Variants in MYT1L observed in about 807,000 individuals in gnomAD.
The protein encoded by MYT1L is myelin transcription factor 1-like protein.
A neutral mutation model predicts 126.7 loss-of-function variants in MYT1L; 12 were observed. That is an observed-to-expected ratio of 0.09 (90% confidence interval 0.06 to 0.15). The LOEUF (loss-of-function observed/expected upper bound fraction) is 0.15. Ranked by LOEUF, MYT1L falls within the 10% of genes least tolerant of loss-of-function variation. The pLI is 1.00. For missense variants in MYT1L, 979 were observed against 1,585.2 expected, an observed-to-expected ratio of 0.62 and a Z score of 6.49; for synonymous variants, 541 against 604.2, an observed-to-expected ratio of 0.90 and a Z score of 1.53.
chr2:2,181,640 C>A (rs569580642), intron 2 of MYT1L, among the ~76,000 whole-genome samples: 58 of 152,256 alleles, frequency 3.8e-4, no homozygotes, highest in African/African-American at 1.3e-3. Flanking sequence ...GAGTTGACCA[C>A]GTGGAAGCGC....
intron 11 of MYT1L, among the ~76,000 whole-genome samples, chr2:1,914,839 C>T (rs1213195277): frequency 6.6e-6 from 1 of 152,228 alleles, no homozygotes; most frequent in Non-Finnish European, 1.5e-5. Flanking sequence ...ATTCCCACAA[C>T]CACTGTCTTT....
rs139972182 is a variant in MYT1L at position 1,850,841 on chromosome 2, A to G, written c.2774+800T>C. On this transcript the variant is annotated intron_variant, in intron 19 of 24. Transcript: ENST00000647738. ...GGGAATTTTCCATCCACTGACCCCAATCTGCTCCTTGGTTGTAAATCCCCA... is the reference window on the plus strand; with the variant it reads ...GGGAATTTTCCATCCACTGACCCCAGTCTGCTCCTTGGTTGTAAATCCCCA... 2.7e-3 allele frequency among the ~76,000 whole-genome samples: 409 copies of G among 151,936 alleles called. 2 individuals carry two copies. Among genetic ancestry groups the G allele is most frequent in the African/African-American group, 9.6e-3 (397 of 41,446 alleles).
chr2:1,955,167 C>T (rs547765280), intron 8 of MYT1L, among the ~76,000 whole-genome samples: 5 of 149,556 alleles, frequency 3.3e-5, no homozygotes, highest in East Asian at 2.0e-4. Context: ...TATGATTCTA[C>T]GAGCTACATG....
intron 9 of MYT1L, among the ~76,000 whole-genome samples, chr2:1,923,807 T>C (rs555841702): frequency 1.6e-3 from 238 of 152,314 alleles, no homozygotes; most frequent in African/African-American, 5.6e-3. Flanking sequence ...GCCGGCTGCA[T>C]TGGGAGCTCA....
intron 3 of MYT1L, among the ~76,000 whole-genome samples, chr2:2,066,909 T>A (rs150744572): frequency 1.3e-4 from 20 of 152,368 alleles, no homozygotes; most frequent in African/African-American, 4.8e-4. Flanking sequence ...AGGTGTGTGA[T>A]GCCTCTAGAG....
At chr2:1,838,232 C>A (rs1371517704) in intron 21 of MYT1L, among the ~76,000 whole-genome samples, 1 of 152,000 alleles carries the variant, frequency 6.6e-6, no homozygotes, top group Non-Finnish European at 1.5e-5. Context: ...TCTTTAAACC[C>A]ATTTACATTG....
intron 3 of MYT1L, among the ~76,000 whole-genome samples, chr2:2,109,878 TATATATATATATATA>T (rs2079186569): frequency 6.4e-5 from 1 of 15,630 alleles, no homozygotes; most frequent in African/African-American, 2.5e-4. Context: ...GCTGATTTTA[TATATATATATATATA>T]TATATATATA....
At chr2:2,009,972 T>C (rs1273297079) in intron 4 of MYT1L, among the ~76,000 whole-genome samples, 1 of 151,310 alleles carries the variant, frequency 6.6e-6, no homozygotes, top group African/African-American at 2.4e-5. Context: ...GTTGAGATGA[T>C]CATGGGGTTT....
rs1392335328 is a variant in MYT1L at position 1,790,681 on chromosome 2, T to A, written c.*1186A>T. On this transcript the variant is annotated 3_prime_UTR_variant, in exon 25 of 25. Coordinates refer to ENST00000647738, the MANE Select transcript of MYT1L (RefSeq NM_001303052.2). ...AATAGGACCAAATGCTGATTCAGAG[T>A]CAAAGTCGGGCGGGGGGAGCAGGAG... The A allele has an allele frequency of 6.5e-6, 1 of 154,434 alleles. No homozygotes were observed. Among genetic ancestry groups the A allele is most frequent in the Middle Eastern group, 3.2e-3 (1 of 316 alleles). The allele number at this position is 154,434 out of a possible 1,614,324, so 9.6% of individuals were successfully genotyped here. A position where few individuals can be genotyped will look rare whatever the true frequency, so the allele number is the denominator to read the frequency against.
intron 2 of MYT1L, among the ~76,000 whole-genome samples, 161 bp downstream of exon 2, chr2:2,284,243 A>G (rs2095486357): frequency 6.6e-6 from 1 of 152,218 alleles, no homozygotes; most frequent in Admixed American, 6.5e-5. Flanking sequence ...AAGGCATACA[A>G]CTGAAGCACG....
intron 8 of MYT1L, among the ~76,000 whole-genome samples, chr2:1,948,764 G>A (rs939472398): frequency 7.2e-5 from 11 of 152,142 alleles, no homozygotes; most frequent in South Asian, 6.2e-4. Flanking sequence ...CCATGGCTCC[G>A]CAGCTGGCTA....
intron 19 of MYT1L, among the ~76,000 whole-genome samples, chr2:1,844,164 G>A (rs369064368): frequency 2.6e-5 from 4 of 152,092 alleles, no homozygotes; most frequent in Non-Finnish European, 5.9e-5. Context: ...TCCACACGCC[G>A]TAGCCCAGGG....
intron 3 of MYT1L, among the ~76,000 whole-genome samples, chr2:2,131,007 C>A (rs2082290782): frequency 6.6e-6 from 1 of 152,130 alleles, no homozygotes; most frequent in Non-Finnish European, 1.5e-5. Flanking sequence ...AGGAAAAATG[C>A]ATGACCCCTA....
Position 1,943,482 on chromosome 2 carries a change from C to T in MYT1L, c.153-148G>A, listed in dbSNP as rs990074637. The T allele has an allele frequency of 2.0e-5, 19 of 949,900 alleles. No homozygotes were observed. Among genetic ancestry groups the T allele is most frequent in the Admixed American group, 6.3e-5 (2 of 31,522 alleles). 58.8% of individuals were successfully genotyped at this position (949,900 alleles called of 1,614,324 possible). On this transcript the variant is annotated intron_variant, in intron 8 of 24. Transcript: ENST00000647738. The surrounding 1 kb of genome is among the most constrained non-coding windows in gnomAD (Gnocchi z 4.4). ...CAGCACAAACACCAGAGAGACATAA[C>T]ATACATGTTCCCCGAAGTGTGCTGA...
At chr2:2,287,084 C>T (rs924516541) in intron 1 of MYT1L, among the ~76,000 whole-genome samples, 2 of 152,048 alleles carry the variant, frequency 1.3e-5, no homozygotes, top group East Asian at 1.9e-4. Flanking sequence ...TGGAGAAACC[C>T]GGTCTCTACT....
rs2149042616 is a variant in MYT1L at position 2,228,768 on chromosome 2, T to G, written c.-421+55636A>C. ...CATGTTCCCCCAAACACCTGAAAAC[T>G]TATGAAAAACTATGTTATTTAGGTT... On this transcript the variant is annotated intron_variant, in intron 2 of 24. Coordinates refer to ENST00000647738, the MANE Select transcript of MYT1L (RefSeq NM_001303052.2). This position sits in a 1 kb window ranked among gnomAD's most constrained non-coding sequence, Gnocchi z 5.9. 6.6e-6 allele frequency among the ~76,000 whole-genome samples: 1 copy of G among 152,208 alleles called. No homozygotes were observed. The highest frequency in any genetic ancestry group is 6.5e-5 in the Admixed American group (1 of 15,292).
intron 5 of MYT1L, among the ~76,000 whole-genome samples, chr2:1,994,414 C>T (rs1256792005): frequency 1.3e-5 from 2 of 151,916 alleles, no homozygotes; most frequent in Non-Finnish European, 2.9e-5. Context: ...GGGGGCTCAG[C>T]CCTGGTTCAC....
chr2:2,294,317 CA>C (rs1161318536), intron 1 of MYT1L, among the ~76,000 whole-genome samples: 1 of 152,126 alleles, frequency 6.6e-6, no homozygotes, highest in Admixed American at 6.5e-5. Flanking sequence ...AGGCCCCAAG[CA>C]CAACAAAAGC....
chr2:2,093,571 T>C (rs1415052347), intron 3 of MYT1L, among the ~76,000 whole-genome samples: 2 of 152,176 alleles, frequency 1.3e-5, no homozygotes, highest in African/African-American at 4.8e-5. Context: ...TTTGAGTTCT[T>C]TGTAGATTCT....
Sources: gnomAD v4.1 joint callset for allele counts (sites outside exome capture counted in the v4.1 genomes callset) on GRCh38, gnomAD v4.1.1 for gene constraint, Gnocchi (gnomAD v3.1) non-coding constraint, MANE v1.5 for transcripts, NCBI Gene and HGNC (gene_info 2026-07-23, HGNC 2026-07-21) for gene names.